The following CRYBG1 variants were observed in gnomAD, a reference collection of about 807,000 sequenced individuals.
CRYBG1 encodes the protein crystallin beta-gamma domain containing 1, also known as beta/gamma crystallin domain-containing protein 1.
A neutral mutation model predicts 189.2 loss-of-function variants in CRYBG1; 139 were observed. The observed-to-expected ratio is 0.73, with a 90% CI of 0.64 to 0.85. The LOEUF (loss-of-function observed/expected upper bound fraction) is 0.85. Ranked by LOEUF, CRYBG1 falls within the 40% of genes least tolerant of loss-of-function variation. The pLI is 0.00. For missense variants in CRYBG1, 2,611 were observed against 2,675.8 expected (o/e 0.98, Z 0.53); for synonymous variants, 1,023 against 1,017.1 (o/e 1.01, Z -0.11).
intron 1 of CRYBG1, among the ~76,000 whole-genome samples, chr6:106,372,730 C>A (rs9386532): frequency 0.91 from 138,852 of 152,264 alleles, 63,610 homozygotes; most frequent in East Asian, 0.98. Context: ...AACATAAGGA[C>A]ATTTTGTCAA....
chr6:106,485,057 G>A (rs1212687951), intron 2 of CRYBG1, among the ~76,000 whole-genome samples: 1 of 152,146 alleles, frequency 6.6e-6, no homozygotes, highest in African/African-American at 2.4e-5. Context: ...AATAGTGATT[G>A]CATTAAATCT....
intron 1 of CRYBG1, among the ~76,000 whole-genome samples, chr6:106,424,739 G>C (rs950403451): frequency 6.6e-6 from 1 of 152,158 alleles, no homozygotes; most frequent in African/African-American, 2.4e-5. Context: ...TGAGATTACA[G>C]GCATGAGCCA....
chr6:106,446,775 G>A (rs943110744), intron 1 of CRYBG1, among the ~76,000 whole-genome samples: 4 of 152,110 alleles, frequency 2.6e-5, no homozygotes, highest in African/African-American at 7.2e-5. Flanking sequence ...AAAGAGGCCC[G>A]CCCCCTTCTT....
chr6:106,457,035 A>G (rs1041700930), intron 2 of CRYBG1: 2 of 152,258 alleles, frequency 1.3e-5, no homozygotes, highest in Admixed American at 1.3e-4. Context: ...CAGATCTTGA[A>G]GTCCAACCCA....
At chr6:106,551,173 T>TC (rs1340058242) in intron 13 of CRYBG1, among the ~76,000 whole-genome samples, 1 of 152,092 alleles carries the variant, frequency 6.6e-6, no homozygotes, top group Non-Finnish European at 1.5e-5. Flanking sequence ...TATTTTTTTT[T>TC]CTTCTTTATG....
chr6:106,551,592 A>C (rs1450754580), intron 13 of CRYBG1, among the ~76,000 whole-genome samples: 1 of 152,204 alleles, frequency 6.6e-6, no homozygotes, highest in African/African-American at 2.4e-5. Flanking sequence ...GAAATCTTCA[A>C]ACTGCTTTCC....
In CRYBG1 at chr6:106,525,360, G is replaced by A; in HGVS notation, c.4386G>A (p.Val1462=). 1 of 1,614,046 alleles carries A rather than the reference G, an allele frequency of 6.2e-7. No homozygotes were observed. The highest frequency in any genetic ancestry group is 8.5e-7 in the Non-Finnish European group (1 of 1,179,946). ...QDCSSWSLSP[V]ILIKVVRGCW... is the part of the protein sequence containing the mutation. Reference sequence around the variant, plus strand: ...GCAGTTCTTGGAGCCTCTCTCCAGTGATACTCATAAAAGTTGTTAGAGGAT... The same window carrying A: ...GCAGTTCTTGGAGCCTCTCTCCAGTAATACTCATAAAAGTTGTTAGAGGAT... The change falls in exon 6 of 22, where the codon GTG becomes GTA. Residue 1462 remains valine (V), a synonymous_variant. Coordinates refer to ENST00000633556, the MANE Select transcript of CRYBG1 (RefSeq NM_001371242.2).
At chr6:106,542,285 T>G (rs1376178955) in intron 10 of CRYBG1, among the ~76,000 whole-genome samples, 17 of 2,112 alleles carry the variant, frequency 8.0e-3, no homozygotes, top group Non-Finnish European at 0.019. Flanking sequence ...TATTTAGGGT[T>G]TTTTTTTTTT....
intron 1 of CRYBG1, among the ~76,000 whole-genome samples, chr6:106,418,874 G>C (rs1331740522): frequency 6.6e-6 from 1 of 152,190 alleles, no homozygotes; most frequent in Non-Finnish European, 1.5e-5. Context: ...GGGTCTTCTG[G>C]TCCCATGGTA....
In CRYBG1 at chr6:106,529,561, T is replaced by C. The variant is rs550248555; in HGVS notation, c.4579-615T>C. The stretch of plus-strand genomic sequence containing the variant: ...AGATGAGTTTCAATAAATATTCCAT[T>C]AACGCTTAGGCACTGGACCAGAAGA... On this transcript the variant is annotated intron_variant, in intron 7 of 21. Coordinates refer to ENST00000633556, the MANE Select transcript of CRYBG1 (RefSeq NM_001371242.2). Among the ~76,000 whole-genome samples, 11 of 152,344 alleles carry C rather than the reference T, an allele frequency of 7.2e-5. No homozygotes were observed. The South Asian group carries it at 2.3e-3, about 32-fold the overall frequency.
At position 106,520,423 on chromosome 6, in the gene CRYBG1, G is replaced by C; in HGVS notation, c.3215G>C (p.Arg1072Thr). The C allele has an allele frequency of 1.9e-6, 3 of 1,614,114 alleles. No individual in the cohort carries two copies. The highest frequency in any genetic ancestry group is 2.5e-6 in the Non-Finnish European group (3 of 1,180,020). ...GGAAATCACTTAGCCACTCCTCAAA[G>C]GCCAGATCAGACTGTTACAAATGGC... Reference protein sequence around the residue: ...SSGNHLATPQRPDQTVTNGQD... With the variant: ...SSGNHLATPQTPDQTVTNGQD... The change falls in exon 4 of 22, where the codon AGG becomes ACG. Residue 1072 changes from arginine to threonine, a missense_variant. Arg to Thr is a moderately conservative substitution (Grantham distance 71). This residue lies in a region of CRYBG1 where 1,622 missense variants were observed against 1,735.0 expected (regional missense o/e 0.93). Coordinates refer to ENST00000633556, the MANE Select transcript of CRYBG1 (RefSeq NM_001371242.2).
At position 106,555,865 on chromosome 6, in the gene CRYBG1, G is replaced by A; in HGVS notation, c.5683G>A (p.Ala1895Thr). 6.2e-7 allele frequency: 1 copy of A among 1,614,164 alleles called. No homozygotes were observed. The highest frequency in any genetic ancestry group is 8.5e-7 in the Non-Finnish European group (1 of 1,180,006). ...CLSAMGCPPG[A>T]TFKSLRFIDV... is the part of the protein sequence containing the mutation. Reference sequence around the variant, plus strand: ...GTCTGCAATGGGATGCCCGCCTGGAGCAACTTTCAAGTCTCTTCGTTTTAT... The same window carrying A: ...GTCTGCAATGGGATGCCCGCCTGGAACAACTTTCAAGTCTCTTCGTTTTAT... The change falls in exon 17 of 22, where the codon GCA becomes ACA. Residue 1895 changes from alanine to threonine, a missense_variant. Around this residue, in one of 3 missense-constraint regions of CRYBG1, gnomAD observed 1,622 missense variants for 1,735.0 expected, o/e 0.93. Transcript: ENST00000633556.
At chr6:106,422,344 A>ATTTATTTATTTATTTATTTAT (rs57640822) in intron 1 of CRYBG1, among the ~76,000 whole-genome samples, 127 of 139,986 alleles carry the variant, frequency 9.1e-4, no homozygotes, top group African/African-American at 3.1e-3. Context: ...TTATTTATTT[A>ATTTATTTATTTATTTATTTAT]TTTTTGAGAC....
In CRYBG1 at chr6:106,519,826, C is replaced by T; in HGVS notation, c.2618C>T (p.Ser873Phe). ...CCTGCTGAGTCATCTCCTGGGCCTT[C>T]TCTTTCACTGTCTGCACCCGCTCCT... ...QSPAESSPGP[S>F]LSLSAPAPGD... The change falls in exon 4 of 22, where the codon TCT becomes TTT. Residue 873 changes from serine (S) to phenylalanine (F), a missense_variant. Physicochemically the swap from Ser to Phe is radical, Grantham distance 155. Around this residue, in one of 3 missense-constraint regions of CRYBG1, gnomAD observed 1,622 missense variants for 1,735.0 expected, o/e 0.93. Coordinates refer to ENST00000633556, the MANE Select transcript of CRYBG1 (RefSeq NM_001371242.2). 1 of 1,614,226 alleles carries T rather than the reference C, an allele frequency of 6.2e-7. No homozygotes were observed. The highest frequency in any genetic ancestry group is 8.5e-7 in the Non-Finnish European group (1 of 1,180,038).
At chr6:106,544,043 ACT>A (rs1774202013) in intron 11 of CRYBG1, among the ~76,000 whole-genome samples, 1 of 152,176 alleles carries the variant, frequency 6.6e-6, no homozygotes, top group Non-Finnish European at 1.5e-5. Flanking sequence ...CAAGAGCGAA[ACT>A]CTGTCAAGGA....
chr6:106,513,202 G>A (rs1278788879), intron 3 of CRYBG1, among the ~76,000 whole-genome samples, 163 bp downstream of exon 3: 2 of 152,186 alleles, frequency 1.3e-5, no homozygotes, highest in African/African-American at 4.8e-5. Flanking sequence ...ACACAGTCAA[G>A]ATTTAAGATG....
At chr6:106,555,991 A>ACTAACTTTAAGAGC in intron 17 of CRYBG1, 94 bp downstream of exon 17, 5 of 1,398,206 alleles carry the variant, frequency 3.6e-6, no homozygotes, top group Non-Finnish European at 5.0e-6. Flanking sequence ...CCTGCTCTTA[A>ACTAACTTTAAGAGC]AGTTAGTTAA....
intron 1 of CRYBG1, among the ~76,000 whole-genome samples, chr6:106,401,540 A>G (rs1481524062): frequency 1.7e-5 from 2 of 115,488 alleles, no homozygotes; most frequent in East Asian, 2.6e-4. Flanking sequence ...ATATCTCCCA[A>G]TGCTATCCCT....
At chr6:106,489,787 CAAAA>C (rs10593320) in intron 2 of CRYBG1, among the ~76,000 whole-genome samples, 3 of 81,668 alleles carry the variant, frequency 3.7e-5, no homozygotes, top group Non-Finnish European at 5.3e-5. Context: ...ACTCTGTGTC[CAAAA>C]AAAAAAAAAA....
Sources: allele counts gnomAD v4.1 joint callset (sites outside exome capture counted in the v4.1 genomes callset), GRCh38; gene constraint gnomAD v4.1.1; regional missense constraint gnomAD v4.1.1; transcripts MANE v1.5; gene names NCBI Gene and HGNC (gene_info 2026-07-23, HGNC 2026-07-21).